The following CELF2 variants were observed in gnomAD, a reference collection of about 807,000 sequenced individuals.
The protein encoded by CELF2 is CUGBP Elav-like family member 2.
CELF2 carries 8 observed loss-of-function variants against 62.6 expected under a neutral mutation model. That is an observed-to-expected ratio of 0.13 (90% confidence interval 0.07 to 0.23). CELF2 has a LOEUF of 0.23. CELF2 is among the 10% of genes least tolerant of loss of function. The probability of loss-of-function intolerance (pLI) is 1.00; values close to 1 mark genes in which losing one functional copy is unlikely to be tolerated. For missense variants in CELF2, 333 were observed against 671.0 expected, an observed-to-expected ratio of 0.50 and a Z score of 5.56; for synonymous variants, 258 against 250.0, an observed-to-expected ratio of 1.03 and a Z score of -0.30.
At chr10:11,179,195 T>C (rs1425928790) in intron 2 of CELF2, among the ~76,000 whole-genome samples, 1 of 152,178 alleles carries the variant, frequency 6.6e-6, no homozygotes, top group African/African-American at 2.4e-5. Context: ...CCTAATATTG[T>C]AAATGGAGTT....
At position 11,098,648 on chromosome 10, in the gene CELF2, A is replaced by G. The variant is rs973638347; in HGVS notation, c.75-66838A>G. ...CATTTTAGACAAATAATGCATGATA[A>G]GTATAAATGTGTCATGAGCACACTG... On this transcript the variant is annotated intron_variant, in intron 1 of 12. Coordinates refer to ENST00000633077, the MANE Select transcript of CELF2 (RefSeq NM_001326342.2). This position sits in a 1 kb window ranked among gnomAD's most constrained non-coding sequence, Gnocchi z 4.0. Among the ~76,000 whole-genome samples, 1 of 152,224 alleles carries G rather than the reference A, an allele frequency of 6.6e-6. No homozygotes were observed. Among genetic ancestry groups the G allele is most frequent in the Non-Finnish European group, 1.5e-5 (1 of 68,040 alleles).
At chr10:11,205,769 A>G (rs1399438879) in intron 2 of CELF2, among the ~76,000 whole-genome samples, 1 of 152,224 alleles carries the variant, frequency 6.6e-6, no homozygotes, top group African/African-American at 2.4e-5. Flanking sequence ...ATGGAGAAAT[A>G]TCTCTGTCTC....
chr10:10,668,900 A>G, the CELF2 span, among the ~76,000 whole-genome samples: 4 of 152,118 alleles, frequency 2.6e-5, no homozygotes, highest in Non-Finnish European at 4.4e-5. Context: ...AGAGGCTGCG[A>G]TGAGCTGAGA....
rs1395865626 is a variant in CELF2, at chr10:11,217,385, T to C, written c.272-40T>C. Reference sequence around the variant, plus strand: ...GTCTCCATTATATCTAAGCAAAGCATTCACAGAAATTTCTAAAACCTTTTC... The same window carrying C: ...GTCTCCATTATATCTAAGCAAAGCACTCACAGAAATTTCTAAAACCTTTTC... On this transcript the variant is annotated intron_variant, in intron 2 of 12. Transcript: ENST00000633077. This position sits in a 1 kb window ranked among gnomAD's most constrained non-coding sequence, Gnocchi z 5.6. The C allele has an allele frequency of 7.1e-7, 1 of 1,417,974 alleles. No homozygotes were observed. The highest frequency in any genetic ancestry group is 9.9e-7 in the Non-Finnish European group (1 of 1,007,476). The allele number at this position is 1,417,974 out of a possible 1,614,324, so 87.8% of individuals were successfully genotyped here.
At chr10:11,215,406 T>G (rs1294495259) in intron 2 of CELF2, among the ~76,000 whole-genome samples, 7 of 152,246 alleles carry the variant, frequency 4.6e-5, no homozygotes. Flanking sequence ...CCATTGGTCT[T>G]CCAGACCAAC....
At chr10:10,504,475 G>A in the CELF2 span, among the ~76,000 whole-genome samples, 3 of 152,044 alleles carry the variant, frequency 2.0e-5, no homozygotes, top group African/African-American at 7.2e-5. Flanking sequence ...TTTTTACTCT[G>A]GCTGCTTTCA....
At chr10:10,603,422 A>G in the CELF2 span, among the ~76,000 whole-genome samples, 1 of 152,220 alleles carries the variant, frequency 6.6e-6, no homozygotes, top group Admixed American at 6.5e-5. Context: ...TGAACAGCTG[A>G]GGAAGCAGCC....
At chr10:10,611,143 TGTGG>T in the CELF2 span, among the ~76,000 whole-genome samples, 1 of 152,018 alleles carries the variant, frequency 6.6e-6, no homozygotes, top group East Asian at 1.9e-4. Context: ...TGAGTTATTG[TGTGG>T]GTGGGAAAGA....
At chr10:11,294,376 C>G (rs2092903335) in intron 9 of CELF2, among the ~76,000 whole-genome samples, 1 of 152,148 alleles carries the variant, frequency 6.6e-6, no homozygotes, top group African/African-American at 2.4e-5. Flanking sequence ...GTATTTTTTA[C>G]TTATACCACA....
Position 11,214,902 on chromosome 10 carries a change from G to A in CELF2, c.272-2523G>A, listed in dbSNP as rs968143314. On this transcript the variant is annotated intron_variant, in intron 2 of 12. Transcript: ENST00000633077. The surrounding 1 kb of genome is among the most constrained non-coding windows in gnomAD (Gnocchi z 4.2). ...AACTAGAAAGTATTTGAGATCTTGG[G>A]GATCTTCCCATCTCCCCTTCTGTAT... Among the ~76,000 whole-genome samples, 1 of 152,058 alleles carries A rather than the reference G, an allele frequency of 6.6e-6. No homozygotes were observed.
Position 11,255,975 on chromosome 10 carries a change from C to G in CELF2, c.404-1763C>G, listed in dbSNP as rs150492929. 1.0e-3 allele frequency among the ~76,000 whole-genome samples: 159 copies of G among 152,278 alleles called. No homozygotes were observed. The highest frequency in any genetic ancestry group is 1.9e-3 in the Non-Finnish European group (130 of 68,006). The stretch of plus-strand genomic sequence containing the variant: ...GGAATCCTTGGCTGGGAGGAGGACT[C>G]CAGGCTGTGGGCCAGGCTGGATGAC... On this transcript the variant is annotated intron_variant, in intron 4 of 12. Coordinates refer to ENST00000633077, the MANE Select transcript of CELF2 (RefSeq NM_001326342.2). This position sits in a 1 kb window ranked among gnomAD's most constrained non-coding sequence, Gnocchi z 5.5.
intron 1 of CELF2, among the ~76,000 whole-genome samples, chr10:11,112,512 C>T (rs2055457699): frequency 1.3e-5 from 2 of 152,226 alleles, no homozygotes; most frequent in Non-Finnish European, 2.9e-5. Context: ...GGACTAGAAC[C>T]GTTGGCCAGG....
At chr10:10,916,362 G>A (rs939592239) in intron 1 of CELF2, among the ~76,000 whole-genome samples, 1 of 152,160 alleles carries the variant, frequency 6.6e-6, no homozygotes, top group Non-Finnish European at 1.5e-5. Context: ...AAATCATCAG[G>A]TTTTCAGTAA....
chr10:11,316,389 A>C lies in CELF2; in HGVS notation c.1096+2131A>C, dbSNP rs2094983231. On this transcript the variant is annotated intron_variant, in intron 10 of 12. Coordinates refer to ENST00000633077, the MANE Select transcript of CELF2 (RefSeq NM_001326342.2). This position sits in a 1 kb window ranked among gnomAD's most constrained non-coding sequence, Gnocchi z 4.4. ...AGTGTTACTAATGCAGAGCCGTTTT[A>C]CAATCTCCAGCATTGACCTCGAGCT... Among the ~76,000 whole-genome samples the C allele has an allele frequency of 6.6e-6, 1 of 152,230 alleles. No individual in the cohort carries two copies. Among genetic ancestry groups the C allele is most frequent in the South Asian group, 2.1e-4 (1 of 4,824 alleles).
chr10:11,039,899 CTGTT>C lies in CELF2; in HGVS notation c.74+21742_74+21745del, dbSNP rs1406451090. Reference sequence around the variant, plus strand: ...GGTATGTGTTGGGGGTGGGATCTTCCTGTTTGTTTTTGTCAAGCTAATATTATTT... The same window carrying C: ...GGTATGTGTTGGGGGTGGGATCTTCCTGTTTTTGTCAAGCTAATATTATTT... On this transcript the variant is annotated intron_variant, in intron 1 of 12. Transcript: ENST00000633077. The surrounding 1 kb of genome is among the most constrained non-coding windows in gnomAD (Gnocchi z 4.1). Among the ~76,000 whole-genome samples the C allele has an allele frequency of 1.3e-5, 2 of 152,106 alleles. No homozygotes were observed. The highest frequency in any genetic ancestry group is 4.8e-5 in the African/African-American group (2 of 41,428).
chr10:10,530,331 T>A, the CELF2 span, among the ~76,000 whole-genome samples: 2 of 152,228 alleles, frequency 1.3e-5, no homozygotes, highest in Admixed American at 1.3e-4. Context: ...ATTAATTTCT[T>A]AATTACTATA....
Position 10,957,536 on chromosome 10 carries a change from C to A in CELF2, c.89+37537C>A, listed in dbSNP as rs568663176. On this transcript the variant is annotated intron_variant, in intron 2 of 13. Coordinates refer to the CELF2 transcript ENST00000636488. This position sits in a 1 kb window ranked among gnomAD's most constrained non-coding sequence, Gnocchi z 4.1. ...CAGGCATTTGTTCCATCGATTGCTTCAGTCTTTCTTTCTCCCCATCCCTCC... is the reference window on the plus strand; with the variant it reads ...CAGGCATTTGTTCCATCGATTGCTTAAGTCTTTCTTTCTCCCCATCCCTCC... Among the ~76,000 whole-genome samples, 24 of 152,298 alleles carry A rather than the reference C, an allele frequency of 1.6e-4. No homozygotes were observed. Among genetic ancestry groups the A allele is most frequent in the African/African-American group, 4.8e-4 (20 of 41,560 alleles).
At chr10:10,688,212 G>A in the CELF2 span, among the ~76,000 whole-genome samples, 1 of 152,176 alleles carries the variant, frequency 6.6e-6, no homozygotes, top group Non-Finnish European at 1.5e-5. Context: ...AGCAAGAACT[G>A]TAGGTCCTGT....
Position 11,296,705 on chromosome 10 carries a change from C to T in CELF2, c.976+8153C>T, listed in dbSNP as rs1052639949. 2.6e-5 allele frequency among the ~76,000 whole-genome samples: 4 copies of T among 152,088 alleles called. No homozygotes were observed. The highest frequency in any genetic ancestry group is 2.0e-4 in the Admixed American group (3 of 15,272). The stretch of plus-strand genomic sequence containing the variant: ...CACAAGCAAAATGTACCGACCTGTA[C>T]AGCACAGACAGCAGGAAGGCAGGTA... On this transcript the variant is annotated intron_variant, in intron 9 of 12. Transcript: ENST00000633077. This position sits in a 1 kb window ranked among gnomAD's most constrained non-coding sequence, Gnocchi z 5.0.
Sources: gnomAD v4.1 joint callset for allele counts (sites outside exome capture counted in the v4.1 genomes callset) on GRCh38, gnomAD v4.1.1 for gene constraint, Gnocchi (gnomAD v3.1) non-coding constraint, MANE v1.5 for transcripts, NCBI Gene and HGNC (gene_info 2026-07-23, HGNC 2026-07-21) for gene names.